KDM4C: variants seen among roughly 807,000 people sequenced by gnomAD.
KDM4C encodes lysine-specific demethylase 4C.
KDM4C carries 81 observed loss-of-function variants against 129.3 expected under a neutral mutation model. That is an observed-to-expected ratio of 0.63 (90% CI 0.52 to 0.75). The LOEUF (loss-of-function observed/expected upper bound fraction) is 0.75, where lower values mean the gene tolerates loss of function less well. Among genes scored for constraint, KDM4C ranks in the 30% least tolerant of loss-of-function variants. The probability of loss-of-function intolerance (pLI) is 0.00; values close to 1 mark genes in which losing one functional copy is unlikely to be tolerated. For missense variants in KDM4C, 1,457 were observed against 1,304.0 expected (o/e 1.12, Z -1.81); for synonymous variants, 573 against 456.1 (o/e 1.26, Z -3.26).
chr9:7,067,104 T>C (rs1259304892), intron 17 of KDM4C, among the ~76,000 whole-genome samples: 1 of 152,218 alleles, frequency 6.6e-6, no homozygotes, highest in Non-Finnish European at 1.5e-5. Flanking sequence ...CTGGCAGTCC[T>C]AGCACTGAAT....
intron 8 of KDM4C, among the ~76,000 whole-genome samples, chr9:6,928,229 G>A (rs931156124): frequency 6.6e-6 from 1 of 152,142 alleles, no homozygotes; most frequent in African/African-American, 2.4e-5. Context: ...TTTTCTTCCA[G>A]CTTTCCAGCC....
intron 12 of KDM4C, among the ~76,000 whole-genome samples, chr9:6,993,149 G>A (rs1819053097): frequency 6.6e-6 from 1 of 152,152 alleles, no homozygotes; most frequent in African/African-American, 2.4e-5. Context: ...TTTCCATGTT[G>A]AACAGCAAAA....
intron 8 of KDM4C, among the ~76,000 whole-genome samples, chr9:6,901,861 T>C (rs1390665240): frequency 1.3e-5 from 2 of 152,210 alleles, no homozygotes; most frequent in African/African-American, 4.8e-5. Flanking sequence ...AGACATGTAG[T>C]TTCTGTATAG....
At chr9:6,842,689 G>C (rs900294120) in intron 4 of KDM4C, among the ~76,000 whole-genome samples, 1 of 151,916 alleles carries the variant, frequency 6.6e-6, no homozygotes, top group Non-Finnish European at 1.5e-5. Flanking sequence ...GGGATTTGTG[G>C]CTTAAAAAAA....
chr9:6,742,004 G>C (rs1817715678), intron 1 of KDM4C, among the ~76,000 whole-genome samples: 1 of 149,730 alleles, frequency 6.7e-6, no homozygotes, highest in Non-Finnish European at 1.5e-5. Context: ...ACGGAGTCTT[G>C]CTCTGTCACC....
At chr9:6,724,594 G>C (rs1436207382) in intron 1 of KDM4C, among the ~76,000 whole-genome samples, 1 of 152,012 alleles carries the variant, frequency 6.6e-6, no homozygotes, top group East Asian at 1.9e-4. Flanking sequence ...GCAGTGGCAC[G>C]ATCTCGGCTC....
intron 2 of KDM4C, among the ~76,000 whole-genome samples, chr9:6,799,366 C>T (rs1404666816): frequency 2.0e-5 from 3 of 152,224 alleles, no homozygotes; most frequent in African/African-American, 4.8e-5. Flanking sequence ...AGCTGGAGAC[C>T]AGCCCGGCCA....
intron 12 of KDM4C, among the ~76,000 whole-genome samples, chr9:7,008,238 C>T (rs1321778065): frequency 6.6e-6 from 1 of 152,132 alleles, no homozygotes; most frequent in Non-Finnish European, 1.5e-5. Flanking sequence ...CAGCACCACA[C>T]AGTCCCACCG....
At chr9:6,919,690 T>C (rs1589109715) in intron 8 of KDM4C, among the ~76,000 whole-genome samples, 1 of 151,726 alleles carries the variant, frequency 6.6e-6, no homozygotes, top group African/African-American at 2.4e-5. Flanking sequence ...ATTCTCTTGC[T>C]TCAGCCTCCG....
chr9:6,979,448 T>G (rs1001356298), intron 8 of KDM4C, among the ~76,000 whole-genome samples: 2 of 152,126 alleles, frequency 1.3e-5, no homozygotes, highest in African/African-American at 4.8e-5. Flanking sequence ...TAAGGGGCAT[T>G]TGGGCTCCCA....
chr9:6,875,915 T>A (rs1843477295), intron 5 of KDM4C, among the ~76,000 whole-genome samples: 1 of 152,178 alleles, frequency 6.6e-6, no homozygotes, highest in African/African-American at 2.4e-5. Context: ...TAAAGGAAAA[T>A]TTTGGGACAG....
intron 1 of KDM4C, among the ~76,000 whole-genome samples, chr9:6,728,729 C>G (rs143325733): frequency 2.0e-5 from 3 of 151,878 alleles, no homozygotes; most frequent in Non-Finnish European, 4.4e-5. Context: ...GCCTATAATC[C>G]CAGCTACTCA....
chr9:6,932,854 A>G (rs777263770), intron 8 of KDM4C, among the ~76,000 whole-genome samples: 1 of 152,236 alleles, frequency 6.6e-6, no homozygotes, highest in Non-Finnish European at 1.5e-5. Context: ...GGCAGCCTCC[A>G]CTACAAAGGA....
chr9:6,733,592 C>G (rs72697589), intron 1 of KDM4C, among the ~76,000 whole-genome samples: 1,590 of 152,314 alleles, frequency 0.01, 13 homozygotes, highest in Non-Finnish European at 0.019. Context: ...TTCCTTTCTC[C>G]TGGTATACAT....
chr9:7,063,768 A>G (rs574287669), intron 17 of KDM4C, among the ~76,000 whole-genome samples: 2 of 152,308 alleles, frequency 1.3e-5, no homozygotes, highest in South Asian at 4.1e-4. Flanking sequence ...GTGCCTAATA[A>G]TGCCTAATCT....
chr9:6,778,976 C>T (rs1823703550), intron 1 of KDM4C, among the ~76,000 whole-genome samples: 1 of 151,172 alleles, frequency 6.6e-6, no homozygotes, highest in Non-Finnish European at 1.5e-5. Context: ...CCCACCTTGA[C>T]CTTCCAAAGT....
At chr9:7,173,429 G>T (rs187648484) in intron 21 of KDM4C, among the ~76,000 whole-genome samples, 4 of 152,308 alleles carry the variant, frequency 2.6e-5, no homozygotes, top group Non-Finnish European at 5.9e-5. Context: ...TCATCTTGAA[G>T]GCAGTAGGTT....
intron 19 of KDM4C, among the ~76,000 whole-genome samples, chr9:7,133,899 C>T (rs1045602443): frequency 6.6e-6 from 1 of 152,216 alleles, no homozygotes; most frequent in Non-Finnish European, 1.5e-5. Flanking sequence ...TTGGATCCCT[C>T]TTGCCTCCTA....
intron 21 of KDM4C, among the ~76,000 whole-genome samples, chr9:7,171,333 A>G (rs1485255580): frequency 6.6e-6 from 1 of 152,228 alleles, no homozygotes; most frequent in Non-Finnish European, 1.5e-5. Context: ...AAATCTTACC[A>G]AGACCGAAAA....
Sources: allele counts gnomAD v4.1 joint callset (sites outside exome capture counted in the v4.1 genomes callset), GRCh38; gene constraint gnomAD v4.1.1; transcripts MANE v1.5; gene names NCBI Gene and HGNC (gene_info 2026-07-23, HGNC 2026-07-21).